PLCE1: variants seen among roughly 807,000 people sequenced by gnomAD.
PLCE1 encodes the protein 1-phosphatidylinositol 4,5-bisphosphate phosphodiesterase epsilon-1.
A neutral mutation model predicts 242.8 loss-of-function variants in PLCE1; 119 were observed. That is an observed-to-expected ratio of 0.49 (90% CI 0.42 to 0.57). PLCE1 has a LOEUF of 0.57. Ranked by LOEUF, PLCE1 falls within the 20% of genes least tolerant of loss-of-function variation. The probability of loss-of-function intolerance (pLI) is 0.00; values close to 1 mark genes in which losing one functional copy is unlikely to be tolerated. For missense variants in PLCE1, 2,441 were observed against 2,788.8 expected, an observed-to-expected ratio of 0.88 and a Z score of 2.81; for synonymous variants, 945 against 1,017.4, an observed-to-expected ratio of 0.93 and a Z score of 1.35.
rs1288527473 is a variant in PLCE1, at chr10:94,283,821, A to G, written c.4827A>G (p.Lys1609=). Residue 1609 remains lysine, a synonymous_variant, in exon 21 of 33, where the codon AAA becomes AAG. Transcript: ENST00000371380. ...DNILEDRPEN[K]SCNDKLQFEY... Reference sequence around the variant, plus strand: ...TTCTGGAAGACAGACCTGAAAATAAATCATGTAATGACAAGCTTCAGTTTG... The same window carrying G: ...TTCTGGAAGACAGACCTGAAAATAAGTCATGTAATGACAAGCTTCAGTTTG... 1.2e-6 allele frequency: 2 copies of G among 1,612,368 alleles called. No individual in the cohort carries two copies. The highest frequency in any genetic ancestry group is 1.7e-6 in the Non-Finnish European group (2 of 1,178,746).
At chr10:94,004,564 G>A (rs2060999002) in intron 1 of PLCE1, among the ~76,000 whole-genome samples, 2 of 152,230 alleles carry the variant, frequency 1.3e-5, no homozygotes, top group Non-Finnish European at 1.5e-5. Flanking sequence ...TGTCTTTGTG[G>A]AGAAGCTGAG....
intron 1 of PLCE1, among the ~76,000 whole-genome samples, chr10:94,029,725 T>A (rs2061519444): frequency 6.6e-6 from 1 of 152,088 alleles, no homozygotes; most frequent in African/African-American, 2.4e-5. Flanking sequence ...AGTTGATGAC[T>A]CTTTGGGAAA....
At position 94,259,146 on chromosome 10, in the gene PLCE1, C is replaced by T. The variant is rs554452200; in HGVS notation, c.3810C>T (p.Asp1270=). 2 of 1,614,114 alleles carry T rather than the reference C, an allele frequency of 1.2e-6. No homozygotes were observed. The highest frequency in any genetic ancestry group is 2.2e-5 in the East Asian group (1 of 44,882). ...AAAACACCAGCGATCTTCAGCCTGA[C>T]CTAGGTTTGTTGAACATTTTAGGAT... is the stretch of plus-strand genomic sequence containing the variant. ...IDENTSDLQP[D]LDLLTRNVSD... is the part of the protein sequence containing the mutation. The change falls in exon 13 of 33, where the codon GAC becomes GAT. Residue 1270 remains aspartate (D), a synonymous_variant. Transcript: ENST00000371380.
chr10:94,279,840 G>C lies in PLCE1; in HGVS notation c.4724G>C (p.Arg1575Pro), dbSNP rs2274224. The C allele has an allele frequency of 0.44, 710,935 of 1,611,868 alleles. 158,498 individuals are homozygous for C. The highest frequency in any genetic ancestry group is 0.57 in the Middle Eastern group (3,456 of 6,048). The stretch of plus-strand genomic sequence containing the variant: ...TATAATGGTGGGAATGCCAACCCCC[G>C]ACCTGCCAATAATGAGGAAGAGGAA... ...QAYNGGNANP[R>P]PANNEEEEDE... Residue 1575 changes from arginine (R) to proline (P), a missense_variant, in exon 20 of 33, where the codon CGA becomes CCA. This residue lies in a region of PLCE1 where 1,004 missense variants were observed against 1,322.7 expected (regional missense o/e 0.76). Coordinates refer to ENST00000371380, the MANE Select transcript of PLCE1 (RefSeq NM_016341.4).
chr10:94,278,848 T>G (rs2052071620), intron 19 of PLCE1, among the ~76,000 whole-genome samples: 1 of 151,998 alleles, frequency 6.6e-6, no homozygotes, highest in Non-Finnish European at 1.5e-5. Flanking sequence ...CACACATACA[T>G]TATATATAGT....
At chr10:94,007,708 T>C (rs1392868467) in intron 1 of PLCE1, among the ~76,000 whole-genome samples, 1 of 140,530 alleles carries the variant, frequency 7.1e-6, no homozygotes, top group Non-Finnish European at 1.5e-5. Context: ...TCTTTTTTTT[T>C]TTTTTTTTTT....
intron 2 of PLCE1, among the ~76,000 whole-genome samples, chr10:94,049,046 G>A (rs1239223830): frequency 1.3e-5 from 2 of 152,170 alleles, no homozygotes; most frequent in Non-Finnish European, 1.5e-5. Context: ...TTATAGGCAT[G>A]AGCCAGTGTG....
intron 2 of PLCE1, among the ~76,000 whole-genome samples, chr10:94,088,540 G>A (rs187904077): frequency 5.9e-5 from 9 of 152,314 alleles, no homozygotes; most frequent in African/African-American, 2.2e-4. Flanking sequence ...GAACTCCTGG[G>A]TTTTCTTGTT....
intron 4 of PLCE1, among the ~76,000 whole-genome samples, chr10:94,218,903 T>TTA (rs1554886672): frequency 8.9e-5 from 13 of 146,110 alleles, no homozygotes; most frequent in Admixed American, 2.1e-4. Flanking sequence ...TATATAATTA[T>TTA]AAAAAATCTG....
At chr10:94,229,481 C>T (rs889289024) in intron 5 of PLCE1, among the ~76,000 whole-genome samples, 1 of 152,094 alleles carries the variant, frequency 6.6e-6, no homozygotes, top group African/African-American at 2.4e-5. Context: ...TCACTCTTGC[C>T]ATATTGTACT....
chr10:94,085,884 C>T (rs771778645), intron 2 of PLCE1, among the ~76,000 whole-genome samples: 8 of 152,132 alleles, frequency 5.3e-5, no homozygotes, highest in Non-Finnish European at 1.0e-4. Flanking sequence ...TGGCAATGTG[C>T]CCACAGTCAA....
At chr10:94,141,836 A>G (rs928021636) in intron 3 of PLCE1, among the ~76,000 whole-genome samples, 4 of 152,190 alleles carry the variant, frequency 2.6e-5, no homozygotes, top group Non-Finnish European at 5.9e-5. Context: ...TACATATCTG[A>G]GCTGGTTATA....
rs1229744391 is a variant in PLCE1 at position 94,234,111 on chromosome 10, G to A, written c.2013G>A (p.Met671Ile). 3 of 1,613,922 alleles carry A rather than the reference G, an allele frequency of 1.9e-6. No individual in the cohort carries two copies. In the Admixed American group the frequency reaches 5.0e-5, roughly 27 times the overall value. Residue 671 changes from methionine (M) to isoleucine (I), a missense_variant, in exon 6 of 33, where the codon ATG (methionine) becomes ATA (isoleucine). Physicochemically the swap from Met to Ile is conservative, Grantham distance 10. Transcript: ENST00000371380. ...QFMDQSDIET[M>I]RSLKDAMAQH... is the part of the protein sequence containing the mutation. ...TGGACCAGTCTGATATTGAGACCAT[G>A]AGGAGCCTGAAGGATGCTATGGCCC...
At chr10:94,087,714 A>G (rs974108602) in intron 2 of PLCE1, among the ~76,000 whole-genome samples, 1 of 152,152 alleles carries the variant, frequency 6.6e-6, no homozygotes, top group Non-Finnish European at 1.5e-5. Context: ...AAGTGTTGGG[A>G]TTACAGGCAT....
rs550921822 is a variant in PLCE1 at position 94,116,801 on chromosome 10, A to G, written c.1207-15373A>G. On this transcript the variant is annotated intron_variant, in intron 2 of 32. Transcript: ENST00000371380. Reference sequence around the variant, plus strand: ...AAACCCCAAATTTACCCAGCCAGTAATGGCCATGCCCTTCACCTTCTAAAA... The same window carrying G: ...AAACCCCAAATTTACCCAGCCAGTAGTGGCCATGCCCTTCACCTTCTAAAA... Among the ~76,000 whole-genome samples, 27 of 152,354 alleles carry G rather than the reference A, an allele frequency of 1.8e-4. No individual in the cohort carries two copies. The South Asian group carries it at 5.6e-3, about 32-fold the overall frequency.
intron 13 of PLCE1, among the ~76,000 whole-genome samples, chr10:94,262,050 G>C (rs935007085): frequency 6.9e-6 from 1 of 145,364 alleles, no homozygotes; most frequent in African/African-American, 2.6e-5. Context: ...GCCCAGGCTA[G>C]AGTGCAGTGG....
At chr10:94,043,442 A>G (rs1176401753) in intron 2 of PLCE1, among the ~76,000 whole-genome samples, 1 of 152,208 alleles carries the variant, frequency 6.6e-6, no homozygotes, top group Non-Finnish European at 1.5e-5. Flanking sequence ...TAGAGAATCA[A>G]TTTGTTGGTA....
chr10:94,138,671 C>T (rs939068396), intron 3 of PLCE1: 8 of 316,740 alleles, frequency 2.5e-5, no homozygotes, highest in East Asian at 8.6e-5. Flanking sequence ...TTACATCATT[C>T]GCAATGTCAC....
chr10:94,085,441 C>CTG (rs1397992808), intron 2 of PLCE1, among the ~76,000 whole-genome samples: 1 of 152,146 alleles, frequency 6.6e-6, no homozygotes, highest in Non-Finnish European at 1.5e-5. Flanking sequence ...CTTGAGGAAT[C>CTG]TGTGGCGTCT....
Sources: gnomAD v4.1 joint callset for allele counts (sites outside exome capture counted in the v4.1 genomes callset) on GRCh38, gnomAD v4.1.1 for gene constraint, gnomAD v4.1.1 regional missense constraint, MANE v1.5 for transcripts, NCBI Gene and HGNC (gene_info 2026-07-23, HGNC 2026-07-21) for gene names.